The following PARD3B variants were observed in gnomAD, a reference collection of about 807,000 sequenced individuals.
PARD3B encodes par-3 family cell polarity regulator beta, also known as partitioning defective 3 homolog B.
A neutral mutation model predicts 130.2 loss-of-function variants in PARD3B; 103 were observed. The observed-to-expected ratio is 0.79, with a 90% CI of 0.67 to 0.93. PARD3B has a LOEUF of 0.93. Ranked by LOEUF, PARD3B falls within the 40% of genes least tolerant of loss-of-function variation. The probability of loss-of-function intolerance (pLI) is 0.00; values close to 1 mark genes in which losing one functional copy is unlikely to be tolerated. For missense variants in PARD3B, 1,609 were observed against 1,499.2 expected (o/e 1.07, Z -1.21); for synonymous variants, 583 against 553.2 (o/e 1.05, Z -0.76).
intron 2 of PARD3B, among the ~76,000 whole-genome samples, chr2:204,940,400 C>T (rs1688807539): frequency 6.6e-6 from 1 of 151,826 alleles, no homozygotes. Context: ...CTGGAGTCTC[C>T]AGCCTCCAGC....
At chr2:205,335,303 A>G (rs1407428185) in intron 18 of PARD3B, among the ~76,000 whole-genome samples, 3 of 152,200 alleles carry the variant, frequency 2.0e-5, no homozygotes, top group Non-Finnish European at 4.4e-5. Context: ...AATGTCTACA[A>G]TGTCCACTGG....
At chr2:204,666,542 A>G (rs1055765514) in intron 1 of PARD3B, among the ~76,000 whole-genome samples, 2 of 152,274 alleles carry the variant, frequency 1.3e-5, no homozygotes, top group African/African-American at 4.8e-5. Flanking sequence ...GATGATGGTT[A>G]ACTTGGCCCA....
Position 204,606,527 on chromosome 2 carries a change from C to T in PARD3B, c.120+60408C>T, listed in dbSNP as rs1287287068. The stretch of plus-strand genomic sequence containing the variant: ...TTTTAAAGCTTCTGCACAGAGAGAC[C>T]CATGTTACTTCTGCTCACATTTCGT... On this transcript the variant is annotated intron_variant, in intron 1 of 22. Coordinates refer to ENST00000406610, the MANE Select transcript of PARD3B (RefSeq NM_001302769.2). The surrounding 1 kb of genome is among the most constrained non-coding windows in gnomAD (Gnocchi z 4.0). Among the ~76,000 whole-genome samples the T allele has an allele frequency of 6.6e-6, 1 of 152,032 alleles. No individual in the cohort carries two copies. The highest frequency in any genetic ancestry group is 2.4e-5 in the African/African-American group (1 of 41,392).
At chr2:204,750,623 T>C (rs551921471) in intron 2 of PARD3B, among the ~76,000 whole-genome samples, 1 of 151,220 alleles carries the variant, frequency 6.6e-6, no homozygotes, top group Non-Finnish European at 1.5e-5. Flanking sequence ...CATACATACA[T>C]ACATACATAC....
At chr2:205,065,464 G>A (rs181205317) in intron 4 of PARD3B, among the ~76,000 whole-genome samples, 213 of 152,196 alleles carry the variant, frequency 1.4e-3, no homozygotes, top group African/African-American at 4.0e-3. Context: ...CCCTAAATAC[G>A]TATTTTTTAT....
intron 18 of PARD3B, among the ~76,000 whole-genome samples, chr2:205,391,373 TTACTC>T (rs2045854226): frequency 6.6e-6 from 1 of 152,218 alleles, no homozygotes; most frequent in Non-Finnish European, 1.5e-5. Flanking sequence ...TTGTGTCTAT[TTACTC>T]AACCAGCCTT....
intron 2 of PARD3B, among the ~76,000 whole-genome samples, chr2:204,781,383 A>G (rs905502238): frequency 2.6e-5 from 4 of 152,164 alleles, no homozygotes; most frequent in African/African-American, 7.2e-5. Flanking sequence ...ATATATTTTA[A>G]TAAAACTATA....
intron 2 of PARD3B, among the ~76,000 whole-genome samples, chr2:204,715,746 C>A (rs1483594569): frequency 6.6e-6 from 1 of 152,206 alleles, no homozygotes; most frequent in Non-Finnish European, 1.5e-5. Context: ...TGACCTTTCA[C>A]ATATGCTTCT....
chr2:205,523,275 C>T (rs942329063), intron 21 of PARD3B, among the ~76,000 whole-genome samples: 11 of 149,026 alleles, frequency 7.4e-5, no homozygotes, highest in South Asian at 4.2e-4. Context: ...GATGGAGTCT[C>T]GCTCTGTTGC....
intron 2 of PARD3B, among the ~76,000 whole-genome samples, chr2:204,875,261 A>G (rs2045792155): frequency 6.6e-6 from 1 of 152,130 alleles, no homozygotes; most frequent in Non-Finnish European, 1.5e-5. Context: ...TCCATTCCCA[A>G]TCTATATAAT....
At chr2:204,607,250 A>G (rs1279499952) in intron 1 of PARD3B, among the ~76,000 whole-genome samples, 1 of 152,194 alleles carries the variant, frequency 6.6e-6, no homozygotes, top group African/African-American at 2.4e-5. Flanking sequence ...ATATAGACGA[A>G]TGATTACATT....
chr2:205,471,686 A>G (rs2048841447), intron 20 of PARD3B, among the ~76,000 whole-genome samples: 1 of 152,296 alleles, frequency 6.6e-6, no homozygotes, highest in African/African-American at 2.4e-5. Flanking sequence ...TCTAAACTAA[A>G]AAACAGTAAC....
chr2:204,724,174 C>G (rs546138104), intron 2 of PARD3B, among the ~76,000 whole-genome samples: 2 of 152,216 alleles, frequency 1.3e-5, no homozygotes, highest in South Asian at 2.1e-4. Context: ...CTTAAAAAAG[C>G]AGTAGATATA....
chr2:204,616,048 T>A (rs1161917699), intron 1 of PARD3B, among the ~76,000 whole-genome samples: 1 of 152,142 alleles, frequency 6.6e-6, no homozygotes, highest in Non-Finnish European at 1.5e-5. Flanking sequence ...AAAACCTAGA[T>A]GACCTTGAGT....
Position 205,440,323 on chromosome 2 carries a change from TA to T in PARD3B, c.2742-46del. On this transcript the variant is annotated intron_variant, in intron 19 of 22. Transcript: ENST00000406610. This position sits in a 1 kb window ranked among gnomAD's most constrained non-coding sequence, Gnocchi z 4.2. ...TCAAGAGAGTATTTCATTGTATTAT[TA>T]TATGAAACTCACATACATCTTTGCT... The T allele has an allele frequency of 6.5e-7, 1 of 1,530,232 alleles. No individual in the cohort carries two copies. Among genetic ancestry groups the T allele is most frequent in the Non-Finnish European group, 9.0e-7 (1 of 1,109,924 alleles). The allele number at this position is 1,530,232 out of a possible 1,614,324, so 94.8% of individuals were successfully genotyped here.
intron 22 of PARD3B, among the ~76,000 whole-genome samples, chr2:205,594,978 A>C (rs1409606550): frequency 6.6e-6 from 1 of 152,216 alleles, no homozygotes; most frequent in Non-Finnish European, 1.5e-5. Context: ...GAACTCAGAA[A>C]ATATTGAGGG....
rs1424511137 is a variant in PARD3B, at chr2:205,584,001, C to T, written c.3260+30598C>T. Among the ~76,000 whole-genome samples, 2 of 152,212 alleles carry T rather than the reference C, an allele frequency of 1.3e-5. No individual in the cohort carries two copies. Among genetic ancestry groups the T allele is most frequent in the East Asian group, 3.8e-4 (2 of 5,196 alleles). On this transcript the variant is annotated intron_variant, in intron 22 of 22. Transcript: ENST00000406610. The surrounding 1 kb of genome is among the most constrained non-coding windows in gnomAD (Gnocchi z 5.5). ...TAAAGAGCCATGTTACCCATGATAA[C>T]TCTAAGACACTACAGGGCATTTTCA...
chr2:205,323,063 A>G (rs951738278), intron 18 of PARD3B, among the ~76,000 whole-genome samples: 12 of 150,412 alleles, frequency 8.0e-5, no homozygotes, highest in Non-Finnish European at 1.8e-4. Context: ...GGCGCCCACC[A>G]CCAAGCCCGG....
chr2:204,739,187 T>C (rs572527303), intron 2 of PARD3B, among the ~76,000 whole-genome samples: 49 of 152,340 alleles, frequency 3.2e-4, no homozygotes, highest in African/African-American at 1.2e-3. Context: ...TGTCAACTTA[T>C]TTAAATGTGT....
Sources: gnomAD v4.1 joint callset for allele counts (sites outside exome capture counted in the v4.1 genomes callset) on GRCh38, gnomAD v4.1.1 for gene constraint, Gnocchi (gnomAD v3.1) non-coding constraint, MANE v1.5 for transcripts, NCBI Gene and HGNC (gene_info 2026-07-23, HGNC 2026-07-21) for gene names.